The following KSR2 variants were observed in gnomAD, a reference collection of about 807,000 sequenced individuals.
KSR2 encodes kinase suppressor of ras 2.
A neutral mutation model predicts 107.8 loss-of-function variants in KSR2; 25 were observed. That is an observed-to-expected ratio of 0.23 (90% confidence interval 0.17 to 0.32). The LOEUF is 0.32. Ranked by LOEUF, KSR2 falls within the 10% of genes least tolerant of loss-of-function variation. The probability of loss-of-function intolerance (pLI) is 1.00; values close to 1 mark genes in which losing one functional copy is unlikely to be tolerated. For missense variants in KSR2, 887 were observed against 1,268.9 expected (o/e 0.70, Z 4.57); for synonymous variants, 480 against 507.0 (o/e 0.95, Z 0.71).
intron 5 of KSR2, among the ~76,000 whole-genome samples, chr12:117,665,999 G>T (rs1023379341): frequency 6.6e-6 from 1 of 152,104 alleles, no homozygotes; most frequent in Admixed American, 6.5e-5. Flanking sequence ...CGTCATGAAG[G>T]GTGCTCTCTC....
chr12:117,584,628 C>T (rs139916152), intron 5 of KSR2, among the ~76,000 whole-genome samples: 36 of 152,302 alleles, frequency 2.4e-4, no homozygotes, highest in Middle Eastern at 6.8e-3. Context: ...ACATTTTCCA[C>T]CTCTGCAAGA....
intron 4 of KSR2, among the ~76,000 whole-genome samples, chr12:117,726,195 A>T (rs1887417847): frequency 6.6e-6 from 1 of 152,140 alleles, no homozygotes; most frequent in Admixed American, 6.5e-5. Context: ...AAATAAAATA[A>T]AAATTTTTTT....
rs898300727 is a variant in KSR2 at position 117,579,773 on chromosome 12, C to A, written c.1242-571G>T. Among the ~76,000 whole-genome samples the A allele has an allele frequency of 9.2e-5, 14 of 152,112 alleles. 1 individual carries two copies. Among genetic ancestry groups the A allele is most frequent in the Admixed American group, 3.9e-4 (6 of 15,270 alleles). ...CAAACCTTAGTGGCAGAGAAGAAACCTTGAAAGTGAAAGCCATTCAGACCA... is the reference window on the plus strand; with the variant it reads ...CAAACCTTAGTGGCAGAGAAGAAACATTGAAAGTGAAAGCCATTCAGACCA... On this transcript the variant is annotated intron_variant, in intron 6 of 19. Transcript: ENST00000339824.
intron 7 of KSR2, among the ~76,000 whole-genome samples, chr12:117,562,599 G>A (rs948087782): frequency 3.3e-5 from 5 of 152,074 alleles, no homozygotes; most frequent in African/African-American, 1.2e-4. Flanking sequence ...TTTGAATCAG[G>A]AGCATGCAAT....
intron 4 of KSR2, among the ~76,000 whole-genome samples, chr12:117,682,855 G>A (rs1011402397): frequency 2.0e-5 from 3 of 152,162 alleles, no homozygotes; most frequent in Admixed American, 2.0e-4. Context: ...AGTCACCCAG[G>A]CAAGAGAGGA....
chr12:117,880,460 G>GC (rs1368514659), intron 1 of KSR2, among the ~76,000 whole-genome samples: 3 of 151,752 alleles, frequency 2.0e-5, no homozygotes, highest in South Asian at 2.1e-4. Flanking sequence ...AGCACCCCAA[G>GC]CCCCCCCACC....
At chr12:117,839,323 A>T (rs1031006308) in intron 3 of KSR2, among the ~76,000 whole-genome samples, 1 of 152,222 alleles carries the variant, frequency 6.6e-6, no homozygotes, top group East Asian at 1.9e-4. Context: ...TTTAGAGTGT[A>T]CGGTCTGGAA....
intron 1 of KSR2, among the ~76,000 whole-genome samples, chr12:117,918,283 T>C (rs1895241233): frequency 6.6e-6 from 1 of 152,182 alleles, no homozygotes; most frequent in Non-Finnish European, 1.5e-5. Flanking sequence ...TCCTAAAACA[T>C]GTCTCTAATC....
chr12:117,647,781 G>A (rs1322225050), intron 5 of KSR2, among the ~76,000 whole-genome samples: 1 of 152,058 alleles, frequency 6.6e-6, no homozygotes, highest in Admixed American at 6.6e-5. Context: ...GGAGTGCAGT[G>A]GCGTGATCAT....
intron 5 of KSR2, among the ~76,000 whole-genome samples, chr12:117,597,737 GT>G (rs1445253602): frequency 6.6e-6 from 1 of 152,210 alleles, no homozygotes; most frequent in Non-Finnish European, 1.5e-5. Context: ...ACGTAGCCAA[GT>G]ATTAAATATT....
At chr12:117,829,799 T>C (rs923602426) in intron 3 of KSR2, among the ~76,000 whole-genome samples, 2 of 152,222 alleles carry the variant, frequency 1.3e-5, no homozygotes, top group East Asian at 1.9e-4. Flanking sequence ...AAACTTTAAC[T>C]AGGCAGCCCA....
intron 3 of KSR2, among the ~76,000 whole-genome samples, chr12:117,855,025 G>C (rs1360754848): frequency 6.6e-6 from 1 of 151,320 alleles, no homozygotes; most frequent in East Asian, 1.9e-4. Flanking sequence ...CTATTTTCTG[G>C]TTTATGTTAC....
chr12:117,718,539 C>T (rs965838824), intron 4 of KSR2, among the ~76,000 whole-genome samples: 5 of 152,196 alleles, frequency 3.3e-5, no homozygotes, highest in African/African-American at 9.7e-5. Flanking sequence ...TCCTTGTCAC[C>T]TCCTCAGGCA....
intron 3 of KSR2, among the ~76,000 whole-genome samples, chr12:117,841,457 G>A (rs1892473537): frequency 1.3e-5 from 2 of 152,162 alleles, no homozygotes; most frequent in Non-Finnish European, 2.9e-5. Flanking sequence ...CCACTCATAT[G>A]GTTGCGAGGC....
At chr12:117,831,151 C>T (rs1290540869) in intron 3 of KSR2, among the ~76,000 whole-genome samples, 1 of 152,192 alleles carries the variant, frequency 6.6e-6, no homozygotes, top group Non-Finnish European at 1.5e-5. Flanking sequence ...TCGGGCAGAA[C>T]TTGCTTCATT....
chr12:117,715,506 G>T (rs73396681), intron 4 of KSR2, among the ~76,000 whole-genome samples: 7,402 of 152,242 alleles, frequency 0.049, 638 homozygotes, highest in African/African-American at 0.17. Context: ...TGTACCAAGG[G>T]CCAGCCACTG....
intron 19 of KSR2, 21 bp from the exon 20 acceptor site, chr12:117,467,226 A>G (rs2137107240): frequency 1.4e-6 from 1 of 731,800 alleles, no homozygotes; most frequent in Non-Finnish European, 2.5e-6. Flanking sequence ...GAGAGAAGGG[A>G]GAGAGTGGTG....
chr12:117,898,857 T>C (rs1894596118), intron 1 of KSR2, among the ~76,000 whole-genome samples: 1 of 152,172 alleles, frequency 6.6e-6, no homozygotes, highest in Admixed American at 6.5e-5. Flanking sequence ...TTCTCAGTTA[T>C]TTGTGAGATC....
At chr12:117,491,944 T>C (rs974304132) in intron 14 of KSR2, among the ~76,000 whole-genome samples, 1 of 152,244 alleles carries the variant, frequency 6.6e-6, no homozygotes, top group Non-Finnish European at 1.5e-5. Context: ...CTGCTGGTAG[T>C]ACAGTCCATC....
Sources: gnomAD v4.1 joint callset for allele counts (sites outside exome capture counted in the v4.1 genomes callset) on GRCh38, gnomAD v4.1.1 for gene constraint, MANE v1.5 for transcripts, NCBI Gene and HGNC (gene_info 2026-07-23, HGNC 2026-07-21) for gene names.